Variants in METTL4 observed in about 807,000 individuals in gnomAD.
METTL4 encodes N(6)-adenine-specific methyltransferase METTL4.
Under a neutral mutation model 54.0 loss-of-function variants are expected in METTL4, and 40 were observed. The observed-to-expected ratio is 0.74, with a 90% CI of 0.58 to 0.96. METTL4 has a LOEUF of 0.96. Among genes scored for constraint, METTL4 ranks in the 50% least tolerant of loss-of-function variants. The pLI, the probability that METTL4 is intolerant of heterozygous loss-of-function variation, is 0.00. For synonymous variants in METTL4, 169 were observed against 183.8 expected, an observed-to-expected ratio of 0.92 and a Z score of 0.65; for missense variants, 525 against 549.0, an observed-to-expected ratio of 0.96 and a Z score of 0.44.
chr18:2,546,909 C>T (rs918213584), intron 6 of METTL4, among the ~76,000 whole-genome samples: 3 of 152,140 alleles, frequency 2.0e-5, no homozygotes, highest in Non-Finnish European at 4.4e-5. Context: ...ATCCCCTCTA[C>T]AATGGGTTAC....
chr18:2,540,433 G>A (rs2071978013), intron 8 of METTL4: 1 of 983,132 alleles, frequency 1.0e-6, no homozygotes. Flanking sequence ...AGGTTTAAAA[G>A]AGAATATATC....
chr18:2,563,227 A>G (rs1050790303), intron 3 of METTL4, among the ~76,000 whole-genome samples: 2 of 152,202 alleles, frequency 1.3e-5, no homozygotes, highest in Non-Finnish European at 2.9e-5. Context: ...AAATCTCTAA[A>G]CTTAACCAAT....
intron 5 of METTL4, among the ~76,000 whole-genome samples, chr18:2,550,197 C>G (rs11873097): frequency 0.061 from 9,295 of 152,086 alleles, 918 homozygotes; most frequent in African/African-American, 0.21. Flanking sequence ...TCAGTAACTG[C>G]AGATTCCTTG....
chr18:2,570,921 T>C (rs1324980052), intron 1 of METTL4, among the ~76,000 whole-genome samples: 1 of 152,190 alleles, frequency 6.6e-6, no homozygotes, highest in African/African-American at 2.4e-5. Flanking sequence ...AGTGATCTAC[T>C]GTTACTGTTG....
chr18:2,547,569 CA>C (rs779569172), intron 5 of METTL4, 40 bp from the exon 6 acceptor site: 54 of 1,485,592 alleles, frequency 3.6e-5, no homozygotes, highest in Non-Finnish European at 4.8e-5. Context: ...AAATTCACTG[CA>C]AAAGAAGAAA....
intron 5 of METTL4, among the ~76,000 whole-genome samples, chr18:2,550,987 AC>A (rs1269815677): frequency 1.3e-5 from 2 of 151,410 alleles, no homozygotes; most frequent in African/African-American, 4.9e-5. Context: ...ACATGGTGAA[AC>A]CCCGTCTCTA....
chr18:2,564,272 A>G (rs1005523126), intron 2 of METTL4, among the ~76,000 whole-genome samples: 6 of 151,202 alleles, frequency 4.0e-5, no homozygotes, highest in African/African-American at 4.9e-5. Flanking sequence ...TTAGCCAGGC[A>G]TGGTGGCAGG....
Position 2,566,909 on chromosome 18 carries a change from G to A in METTL4, c.308C>T (p.Ala103Val). ...ACTTTGCTGGCATTCTTTATGAACA[G>A]CTGGAGTTATATAAGGTTTGGTGAC... The part of the protein sequence containing the change: ...FDVTKPYITP[A>V]VHKECQQSNE... Residue 103 changes from alanine (A) to valine (V), a missense_variant, in exon 2 of 9, where the codon GCT becomes GTT. Coordinates refer to ENST00000574538, the MANE Select transcript of METTL4 (RefSeq NM_022840.5). The A allele has an allele frequency of 6.2e-7, 1 of 1,613,878 alleles. No individual in the cohort carries two copies. The highest frequency in any genetic ancestry group is 1.1e-5 in the South Asian group (1 of 91,054).
rs763885305 is a variant in METTL4, at chr18:2,544,634, G to GA, written c.1181+18dup. On this transcript the variant is annotated intron_variant, in intron 7 of 8. Transcript: ENST00000574538. ...AAAATTAATACATGTATACAATTTT[G>GA]AAAAATCACCTTTCCTACCTCAATG... is the stretch of plus-strand genomic sequence containing the variant. The GA allele has an allele frequency of 6.7e-6, 10 of 1,491,126 alleles. No homozygotes were observed. Among genetic ancestry groups the GA allele is most frequent in the Non-Finnish European group, 8.3e-6 (9 of 1,082,976 alleles). The allele number at this position is 1,491,126 out of a possible 1,614,324, so 92.4% of individuals were successfully genotyped here.
At chr18:2,556,666 A>C (rs2072243614) in intron 3 of METTL4, among the ~76,000 whole-genome samples, 1 of 152,198 alleles carries the variant, frequency 6.6e-6, no homozygotes, top group Non-Finnish European at 1.5e-5. Context: ...AGGTATTTAT[A>C]CTATATTCAT....
chr18:2,558,696 G>A (rs2072273375), intron 3 of METTL4, among the ~76,000 whole-genome samples: 1 of 151,658 alleles, frequency 6.6e-6, no homozygotes, highest in African/African-American at 2.4e-5. Context: ...TAAATTAAAA[G>A]CTTGTTCTTT....
chr18:2,564,877 T>C (rs1465691400), intron 2 of METTL4, among the ~76,000 whole-genome samples: 3 of 152,236 alleles, frequency 2.0e-5, no homozygotes, highest in Non-Finnish European at 4.4e-5. Flanking sequence ...TACAAAGGCT[T>C]GTTATTATCT....
intron 5 of METTL4, among the ~76,000 whole-genome samples, chr18:2,552,075 C>A (rs993047268): frequency 3.3e-5 from 5 of 152,116 alleles, no homozygotes; most frequent in African/African-American, 1.2e-4. Flanking sequence ...CGCCTGTACT[C>A]CCAGCTACTC....
chr18:2,540,279 T>C (rs1598339705), intron 8 of METTL4: 1 of 984,338 alleles, frequency 1.0e-6, no homozygotes, highest in East Asian at 1.1e-4. Flanking sequence ...AACCACCTAA[T>C]AGGAATTTGG....
At position 2,567,386 on chromosome 18, in the gene METTL4, T is replaced by C; in HGVS notation, c.-170A>G. 2.0e-6 allele frequency: 1 copy of C among 495,030 alleles called. No homozygotes were observed. Among genetic ancestry groups the C allele is most frequent in the Non-Finnish European group, 3.5e-6 (1 of 286,186 alleles). The allele number at this position is 495,030 out of a possible 1,614,324, so 30.7% of individuals were successfully genotyped here. On this transcript the variant is annotated 5_prime_UTR_variant, in exon 2 of 9. The change abolishes an upstream ATG in the 5' untranslated region. Transcript: ENST00000574538. Reference sequence around the variant, plus strand: ...CATGCACATTGAAGAGAATTTATCATTCATGATGTTAATATATACAGAAAT... The same window carrying C: ...CATGCACATTGAAGAGAATTTATCACTCATGATGTTAATATATACAGAAAT...
chr18:2,553,807 A>G (rs1232116550), intron 4 of METTL4: 3 of 152,194 alleles, frequency 2.0e-5, no homozygotes, highest in Non-Finnish European at 2.9e-5. Context: ...TATTAGAGTA[A>G]CAAAGATCAA....
At position 2,538,897 on chromosome 18, in the gene METTL4, T is replaced by C. The variant is rs1390676874; in HGVS notation, c.*103A>G. 3 of 1,305,726 alleles carry C rather than the reference T, an allele frequency of 2.3e-6. No homozygotes were observed. In the East Asian group the frequency reaches 7.0e-5, roughly 30 times the overall value. 80.9% of individuals were successfully genotyped at this position (1,305,726 alleles called of 1,614,324 possible). ...CTGAAAAAAACAAGTCCTGTTTATA[T>C]TCTAAGAATATGGGTTGGTAACAAA... is the stretch of plus-strand genomic sequence containing the variant. On this transcript the variant is annotated 3_prime_UTR_variant, in exon 9 of 9. Coordinates refer to ENST00000574538, the MANE Select transcript of METTL4 (RefSeq NM_022840.5).
intron 8 of METTL4, among the ~76,000 whole-genome samples, chr18:2,543,984 C>T (rs2072031810): frequency 6.6e-6 from 1 of 152,226 alleles, no homozygotes; most frequent in African/African-American, 2.4e-5. Flanking sequence ...AATGGTATAA[C>T]TGGAAAAGCT....
Position 2,538,964 on chromosome 18 carries a change from A to G in METTL4, c.*36T>C. ...GAATTAAGGGAAAAGTGGTGAGGAA[A>G]CAATGAAGAAACCACTACTTTAATC... On this transcript the variant is annotated 3_prime_UTR_variant, in exon 9 of 9. Transcript: ENST00000574538. 1 of 1,593,048 alleles carries G rather than the reference A, an allele frequency of 6.3e-7. No individual in the cohort carries two copies. The highest frequency in any genetic ancestry group is 8.6e-7 in the Non-Finnish European group (1 of 1,168,622).
Sources: allele counts gnomAD v4.1 joint callset (sites outside exome capture counted in the v4.1 genomes callset), GRCh38; gene constraint gnomAD v4.1.1; transcripts MANE v1.5; gene names NCBI Gene and HGNC (gene_info 2026-07-23, HGNC 2026-07-21).